The following CCDC148 variants were observed in gnomAD, a reference collection of about 807,000 sequenced individuals.
CCDC148 encodes coiled-coil domain-containing protein 148.
In CCDC148, 89 loss-of-function variants were observed where a neutral mutation model predicts 85.7. That is an observed-to-expected ratio of 1.04 (90% confidence interval 0.87 to 1.24). CCDC148 has a LOEUF of 1.24. Among genes scored for constraint, CCDC148 ranks in the 50% most tolerant of loss-of-function variants. The pLI, the probability that CCDC148 is intolerant of heterozygous loss-of-function variation, is 0.00. For synonymous variants in CCDC148, 230 were observed against 213.9 expected (o/e 1.08, Z -0.66); for missense variants, 692 against 671.7 (o/e 1.03, Z -0.33).
intron 10 of CCDC148, among the ~76,000 whole-genome samples, chr2:158,222,112 A>C (rs1325861347): frequency 6.6e-6 from 1 of 152,154 alleles, no homozygotes; most frequent in Non-Finnish European, 1.5e-5. Context: ...ATCAGAAAAA[A>C]ATTAAGCTAC....
intron 1 of CCDC148, among the ~76,000 whole-genome samples, chr2:158,436,468 T>A (rs1165674965): frequency 6.6e-6 from 1 of 151,996 alleles, no homozygotes; most frequent in Non-Finnish European, 1.5e-5. Flanking sequence ...CTGGGACACA[T>A]TAAAAGCAGT....
chr2:158,408,590 A>AAC (rs750025750), intron 1 of CCDC148, among the ~76,000 whole-genome samples: 2 of 151,366 alleles, frequency 1.3e-5, no homozygotes, highest in Admixed American at 1.3e-4. Context: ...AATATTCATA[A>AAC]ACACACACAC....
intron 9 of CCDC148, among the ~76,000 whole-genome samples, chr2:158,281,614 G>A (rs766713218): frequency 6.6e-6 from 1 of 152,082 alleles, no homozygotes; most frequent in Non-Finnish European, 1.5e-5. Flanking sequence ...ATAACAGGAA[G>A]TGAAATTGTG....
intron 11 of CCDC148, among the ~76,000 whole-genome samples, chr2:158,183,148 GA>G (rs935488456): frequency 1.1e-3 from 166 of 152,210 alleles, no homozygotes; most frequent in African/African-American, 3.8e-3. Context: ...TGGGGGAGGA[GA>G]AGCATCATAT....
intron 7 of CCDC148, among the ~76,000 whole-genome samples, chr2:158,329,674 C>G (rs1252280767): frequency 6.6e-6 from 1 of 152,066 alleles, no homozygotes; most frequent in East Asian, 1.9e-4. Context: ...TTTGTATCCT[C>G]TTTTATTTCA....
intron 1 of CCDC148, chr2:158,425,073 C>T (rs1266712423): frequency 4.4e-6 from 2 of 459,258 alleles, no homozygotes; most frequent in African/African-American, 2.0e-5. Context: ...AAGGTCAAGG[C>T]ATAATTGGAA....
At chr2:158,318,545 T>C (rs933873492) in intron 7 of CCDC148, among the ~76,000 whole-genome samples, 12 of 152,188 alleles carry the variant, frequency 7.9e-5, no homozygotes, top group African/African-American at 2.9e-4. Context: ...ATTTGGAAGT[T>C]GCATTTTCCA....
At chr2:158,321,180 G>A in intron 7 of CCDC148, among the ~76,000 whole-genome samples, 1 of 152,096 alleles carries the variant, frequency 6.6e-6, no homozygotes, top group East Asian at 1.9e-4. Context: ...TTTAAAGGAA[G>A]AGTATAAAAC....
intron 1 of CCDC148, among the ~76,000 whole-genome samples, chr2:158,396,807 T>C (rs944134212): frequency 2.0e-5 from 3 of 152,012 alleles, no homozygotes; most frequent in Admixed American, 2.0e-4. Flanking sequence ...CTACTACTAC[T>C]ATTATTATTA....
intron 7 of CCDC148, among the ~76,000 whole-genome samples, chr2:158,328,354 T>C (rs1692900479): frequency 1.3e-5 from 2 of 152,330 alleles, no homozygotes; most frequent in Middle Eastern, 3.4e-3. Context: ...CATCATTTTT[T>C]ATGGCTGCAT....
Position 158,215,380 on chromosome 2 carries a change from T to A in CCDC148, c.1370+5215A>T, listed in dbSNP as rs1197867543. Among the ~76,000 whole-genome samples the A allele has an allele frequency of 2.6e-5, 4 of 152,298 alleles. No individual in the cohort carries two copies. In the East Asian group the frequency reaches 7.7e-4, roughly 29 times the overall value. ...TTTTGAAGTTTGTGCTCTACAAAAA[T>A]GACCCATGACCCAGAGATACAAAAG... On this transcript the variant is annotated intron_variant, in intron 11 of 13. Coordinates refer to ENST00000283233, the MANE Select transcript of CCDC148 (RefSeq NM_138803.4).
Position 158,295,946 on chromosome 2 carries a change from C to A in CCDC148, c.1110+13487G>T, listed in dbSNP as rs573594946. ...GAGGAAGTCAAATTGTCCCTGTTTT[C>A]TTATTAAGTTTCAATAAATTTTTAT... On this transcript the variant is annotated intron_variant, in intron 9 of 13. Transcript: ENST00000283233. Among the ~76,000 whole-genome samples, 3 of 152,312 alleles carry A rather than the reference C, an allele frequency of 2.0e-5. No homozygotes were observed. The South Asian group carries it at 6.2e-4, about 32-fold the overall frequency.
At chr2:158,344,471 AT>A (rs1260307543) in intron 3 of CCDC148, among the ~76,000 whole-genome samples, 1 of 152,154 alleles carries the variant, frequency 6.6e-6, no homozygotes, top group Admixed American at 6.5e-5. Context: ...GAAATTAACT[AT>A]TTTGATATAA....
In CCDC148 at chr2:158,340,336, T is replaced by C. The variant is rs148058893; in HGVS notation, c.392A>G (p.Gln131Arg). 6.2e-4 allele frequency: 997 copies of C among 1,613,986 alleles called. 3 individuals carry two copies. In the African/African-American group the frequency reaches 0.011, roughly 18 times the overall value. The change falls in exon 5 of 14, where the codon CAG becomes CGG. Residue 131 changes from glutamine (Q) to arginine (R), a missense_variant. Gln to Arg is a conservative substitution (Grantham distance 43). Coordinates refer to ENST00000283233, the MANE Select transcript of CCDC148 (RefSeq NM_138803.4). ...TYLKNVINPIQQLRADLKYRQ... is the reference protein window; with the variant it reads ...TYLKNVINPIRQLRADLKYRQ... The stretch of plus-strand genomic sequence containing the variant: ...GTATTTTAGATCTGCTCTCAGCTGC[T>C]GAATAGGATTTATTACATTTTTAAG...
chr2:158,225,613 C>G (rs1271598902), intron 10 of CCDC148, among the ~76,000 whole-genome samples: 1 of 152,204 alleles, frequency 6.6e-6, no homozygotes, highest in East Asian at 1.9e-4. Context: ...GTCTGTCAGA[C>G]CACAGTGCAA....
chr2:158,333,522 G>A (rs1007296855), intron 7 of CCDC148, among the ~76,000 whole-genome samples: 1 of 152,142 alleles, frequency 6.6e-6, no homozygotes, highest in Non-Finnish European at 1.5e-5. Context: ...TTCTGTAGAT[G>A]TCTATTAGGT....
intron 12 of CCDC148, 63 bp downstream of exon 12, chr2:158,178,816 A>C: frequency 8.7e-7 from 1 of 1,150,458 alleles, no homozygotes; most frequent in Non-Finnish European, 1.3e-6. Context: ...GAATGCTATT[A>C]AGAGCACTTA....
At chr2:158,422,213 AG>A (rs1230314328) in intron 1 of CCDC148, among the ~76,000 whole-genome samples, 2 of 152,308 alleles carry the variant, frequency 1.3e-5, no homozygotes, top group East Asian at 3.9e-4. Context: ...ATAGAAAAAG[AG>A]GGAATCCTCC....
At chr2:158,233,828 T>C (rs1343978483) in intron 10 of CCDC148, among the ~76,000 whole-genome samples, 2 of 152,124 alleles carry the variant, frequency 1.3e-5, no homozygotes, top group Non-Finnish European at 2.9e-5. Context: ...TGTAGTTTGA[T>C]GGTATAGAGA....
Sources: allele counts gnomAD v4.1 joint callset (sites outside exome capture counted in the v4.1 genomes callset), GRCh38; gene constraint gnomAD v4.1.1; transcripts MANE v1.5; gene names NCBI Gene and HGNC (gene_info 2026-07-23, HGNC 2026-07-21).